Variants in SOCS2 observed in about 807,000 individuals in gnomAD.
SOCS2 encodes suppressor of cytokine signaling 2, also known as CIS-2.
A neutral mutation model predicts 18.6 loss-of-function variants in SOCS2; 10 were observed. The observed-to-expected ratio is 0.54, with a 90% confidence interval of 0.33 to 0.91. The LOEUF is 0.91. Ranked by LOEUF, SOCS2 falls within the 40% of genes least tolerant of loss-of-function variation. SOCS2 has a pLI of 0.02. For synonymous variants in SOCS2, 104 were observed against 104.0 expected (o/e 1.00, Z 0.00); for missense variants, 231 against 247.2 (o/e 0.93, Z 0.44).
intron 1 of SOCS2, 127 bp downstream of exon 1, chr12:93,573,163 C>A: frequency 1.6e-6 from 2 of 1,235,048 alleles, no homozygotes; most frequent in Non-Finnish European, 2.3e-6. Context: ...CAAGGGACCG[C>A]GGAGAGCACG....
the SOCS2 span, among the ~76,000 whole-genome samples, chr12:93,601,895 G>C: frequency 1.3e-5 from 2 of 151,908 alleles, no homozygotes; most frequent in Non-Finnish European, 2.9e-5. Flanking sequence ...CATAAACTTA[G>C]ATTAAGATTT....
the SOCS2 span, among the ~76,000 whole-genome samples, chr12:93,615,445 A>G: frequency 1.3e-5 from 2 of 152,216 alleles, no homozygotes; most frequent in African/African-American, 4.8e-5. Context: ...GCCTGTGTCT[A>G]TCATGGAACT....
chr12:93,601,869 T>G, the SOCS2 span, among the ~76,000 whole-genome samples: 1 of 152,232 alleles, frequency 6.6e-6, no homozygotes, highest in African/African-American at 2.4e-5. Context: ...CTATTGAATT[T>G]ACTAGAAAAT....
At chr12:93,596,268 C>T in the SOCS2 span, among the ~76,000 whole-genome samples, 1 of 152,186 alleles carries the variant, frequency 6.6e-6, no homozygotes, top group Non-Finnish European at 1.5e-5. Flanking sequence ...TGGCATGAAA[C>T]CACATAGTCT....
chr12:93,624,940 C>CT, the SOCS2 span, among the ~76,000 whole-genome samples: 1 of 152,306 alleles, frequency 6.6e-6, no homozygotes, highest in Non-Finnish European at 1.5e-5. Flanking sequence ...TCTTCCTGTT[C>CT]TTTCTCGACT....
At position 93,574,957 on chromosome 12, in the gene SOCS2, G is replaced by A; in HGVS notation, c.375G>A (p.Leu125=). ...AACAATTTGACAGTGTGGTTCATCT[G>A]ATCGACTACTATGTTCAGATGTGCA... The part of the protein sequence containing the change: ...KLKQFDSVVH[L]IDYYVQMCKD... Residue 125 remains leucine, a synonymous_variant, in exon 2 of 2, where the codon CTG becomes CTA. Transcript: ENST00000551556. 1 of 1,614,188 alleles carries A rather than the reference G, an allele frequency of 6.2e-7. No homozygotes were observed. Among genetic ancestry groups the A allele is most frequent in the Non-Finnish European group, 8.5e-7 (1 of 1,180,038 alleles).
the SOCS2 span, among the ~76,000 whole-genome samples, chr12:93,589,890 T>C: frequency 6.6e-6 from 1 of 152,228 alleles, no homozygotes. Context: ...AACTTCAGTT[T>C]TGAGGGCTGT....
the SOCS2 span, among the ~76,000 whole-genome samples, chr12:93,606,022 T>A: frequency 1.3e-5 from 2 of 152,256 alleles, no homozygotes; most frequent in African/African-American, 2.4e-5. Flanking sequence ...AGTCCATGAC[T>A]GATATGATGG....
downstream of SOCS2, among the ~76,000 whole-genome samples, chr12:93,585,333 TC>T (rs1954577303): frequency 6.6e-6 from 1 of 152,086 alleles, no homozygotes; most frequent in African/African-American, 2.4e-5. Flanking sequence ...CTGCAGCACC[TC>T]CTCAAACAGC....
chr12:93,592,007 A>G, the SOCS2 span, among the ~76,000 whole-genome samples: 4 of 152,182 alleles, frequency 2.6e-5, no homozygotes, highest in African/African-American at 9.7e-5. Flanking sequence ...TTTTTCAATT[A>G]TTCTAAAAGT....
At chr12:93,603,812 C>T in the SOCS2 span, among the ~76,000 whole-genome samples, 1 of 152,084 alleles carries the variant, frequency 6.6e-6, no homozygotes, top group Non-Finnish European at 1.5e-5. Flanking sequence ...GAGCAAGCTC[C>T]AGGGTGGAAC....
chr12:93,595,227 C>T, the SOCS2 span, among the ~76,000 whole-genome samples: 1 of 152,130 alleles, frequency 6.6e-6, no homozygotes, highest in Non-Finnish European at 1.5e-5. Flanking sequence ...CTGAGTTCCA[C>T]ACTGATAGTT....
the SOCS2 span, among the ~76,000 whole-genome samples, chr12:93,589,972 G>A: frequency 4.6e-5 from 7 of 152,194 alleles, no homozygotes; most frequent in African/African-American, 1.7e-4. Context: ...GGACCTTCCA[G>A]GCCGGGTGTG....
the SOCS2 span, among the ~76,000 whole-genome samples, chr12:93,595,480 T>C: frequency 1.3e-5 from 2 of 152,218 alleles, no homozygotes; most frequent in Non-Finnish European, 2.9e-5. Flanking sequence ...GAGAAATAAA[T>C]TGAGTCTCAC....
the SOCS2 span, among the ~76,000 whole-genome samples, chr12:93,596,600 G>T: frequency 2.6e-5 from 4 of 152,278 alleles, no homozygotes; most frequent in East Asian, 5.8e-4. Context: ...GGCTGAGGCG[G>T]GCAGATCACA....
the SOCS2 span, among the ~76,000 whole-genome samples, chr12:93,619,477 A>G: frequency 5.3e-5 from 8 of 152,242 alleles, no homozygotes; most frequent in Non-Finnish European, 1.0e-4. Context: ...CGAATGAATG[A>G]ATAAATGAAC....
At chr12:93,578,653 T>C (rs1954497552), downstream of SOCS2, among the ~76,000 whole-genome samples, 1 of 150,478 alleles carries the variant, frequency 6.6e-6, no homozygotes, top group South Asian at 2.1e-4. Flanking sequence ...GACTTTCAGA[T>C]CCAGAGGGGC....
the SOCS2 span, among the ~76,000 whole-genome samples, chr12:93,606,262 T>C: frequency 6.6e-6 from 1 of 152,164 alleles, no homozygotes; most frequent in Non-Finnish European, 1.5e-5. Flanking sequence ...CCATAAAAAT[T>C]GGGGTTCTAT....
chr12:93,598,408 C>G, the SOCS2 span, among the ~76,000 whole-genome samples: 10 of 152,092 alleles, frequency 6.6e-5, no homozygotes, highest in Non-Finnish European at 1.5e-4. Context: ...TTTATTAAGG[C>G]TGCAGTGGGA....
Sources: gnomAD v4.1 joint callset for allele counts (sites outside exome capture counted in the v4.1 genomes callset) on GRCh38, gnomAD v4.1.1 for gene constraint, MANE v1.5 for transcripts, NCBI Gene and HGNC (gene_info 2026-07-23, HGNC 2026-07-21) for gene names.